The following CCDC171 variants were observed in gnomAD, a reference collection of about 807,000 sequenced individuals.
CCDC171 encodes the protein coiled-coil domain containing 171.
Under a neutral mutation model 168.2 loss-of-function variants are expected in CCDC171, and 177 were observed. The observed-to-expected ratio is 1.05, with a 90% CI of 0.93 to 1.19. The LOEUF (loss-of-function observed/expected upper bound fraction) is 1.19. Ranked by LOEUF, CCDC171 falls within the 50% of genes most tolerant of loss-of-function variation. The probability of loss-of-function intolerance (pLI) is 0.00; values close to 1 mark genes in which losing one functional copy is unlikely to be tolerated. For synonymous variants in CCDC171, 687 were observed against 540.8 expected, an observed-to-expected ratio of 1.27 and a Z score of -3.75; for missense variants, 1,991 against 1,539.0, an observed-to-expected ratio of 1.29 and a Z score of -4.91.
At chr9:15,825,969 C>T (rs1201675571) in intron 21 of CCDC171, among the ~76,000 whole-genome samples, 1 of 149,088 alleles carries the variant, frequency 6.7e-6, no homozygotes, top group African/African-American at 2.6e-5. Context: ...TTTTGTTTTT[C>T]TCTTTTCTCT....
intron 21 of CCDC171, among the ~76,000 whole-genome samples, chr9:15,815,199 G>A (rs1283299425): frequency 6.6e-6 from 1 of 152,154 alleles, no homozygotes; most frequent in Non-Finnish European, 1.5e-5. Context: ...CCTCACAGGG[G>A]TCTCAAGACT....
chr9:15,592,742 G>A (rs1406793412), intron 5 of CCDC171, among the ~76,000 whole-genome samples: 3 of 152,036 alleles, frequency 2.0e-5, no homozygotes, highest in African/African-American at 7.2e-5. Context: ...GGAGAGGAGG[G>A]TGATGGTGGC....
intron 14 of CCDC171, among the ~76,000 whole-genome samples, chr9:15,726,221 C>G (rs948683668): frequency 6.6e-6 from 1 of 152,120 alleles, no homozygotes; most frequent in African/African-American, 2.4e-5. Flanking sequence ...AAACTAGAAG[C>G]CTGACTATAT....
chr9:15,954,188 CTCTAA>C (rs1829528745), intron 25 of CCDC171, among the ~76,000 whole-genome samples: 1 of 145,304 alleles, frequency 6.9e-6, no homozygotes, highest in Admixed American at 6.9e-5. Context: ...TTTATCTCTT[CTCTAA>C]TCTTTTTTCC....
At position 15,971,786 on chromosome 9, in the gene CCDC171, C is replaced by T. The variant is rs1216340941; in HGVS notation, c.3931C>T (p.Pro1311Ser). ...TGCTCTGACATCATCTCACTCCTCT[C>T]CAGTGACTATGTCTGCTAATGCCAA... Reference protein sequence around the residue: ...PHALTSSHSSPVTMSANANRP... With the variant: ...PHALTSSHSSSVTMSANANRP... The change falls in exon 26 of 26, where the codon CCA becomes TCA. Residue 1311 changes from proline to serine, a missense_variant. By Grantham distance (74) the Pro-to-Ser change is moderately conservative. Coordinates refer to ENST00000380701, the MANE Select transcript of CCDC171 (RefSeq NM_173550.4). 4 of 1,613,940 alleles carry T rather than the reference C, an allele frequency of 2.5e-6. No individual in the cohort carries two copies. Among genetic ancestry groups the T allele is most frequent in the Non-Finnish European group, 3.4e-6 (4 of 1,179,880 alleles).
intron 11 of CCDC171, among the ~76,000 whole-genome samples, chr9:15,705,091 G>GACACACACACACACACACACAC (rs3082789): frequency 1.2e-4 from 18 of 147,758 alleles, no homozygotes; most frequent in East Asian, 8.0e-4. Flanking sequence ...GTATCCTTAC[G>GACACACACACACACACACACAC]ACACACACAC....
intron 5 of CCDC171, 53 bp from the exon 6 acceptor site, chr9:15,593,988 G>A (rs2042165252): frequency 1.2e-5 from 15 of 1,257,674 alleles, no homozygotes; most frequent in Non-Finnish European, 1.1e-6. Flanking sequence ...TGGGGATGAA[G>A]GAAGATAACT....
the CCDC171 span, among the ~76,000 whole-genome samples, chr9:16,100,514 G>A: frequency 8.5e-5 from 13 of 152,146 alleles, no homozygotes; most frequent in Non-Finnish European, 1.5e-4. Flanking sequence ...CAAATGTTGC[G>A]GCATCTGAAC....
chr9:15,610,480 A>C (rs868535304), intron 6 of CCDC171, among the ~76,000 whole-genome samples: 4 of 142,584 alleles, frequency 2.8e-5, no homozygotes, highest in Non-Finnish European at 6.1e-5. Context: ...AAAAAAAAAA[A>C]ACTGGGCGTG....
chr9:16,055,491 T>A (rs1401494952), intron 1 of CCDC171, among the ~76,000 whole-genome samples: 1 of 152,170 alleles, frequency 6.6e-6, no homozygotes, highest in Non-Finnish European at 1.5e-5. Context: ...AAGCTTTCTG[T>A]GAGAGTGTGC....
At chr9:15,977,797 A>G (rs1230445725), downstream of CCDC171, among the ~76,000 whole-genome samples, 4 of 152,210 alleles carry the variant, frequency 2.6e-5, no homozygotes, top group Non-Finnish European at 5.9e-5. Context: ...ATTCATAAAC[A>G]TTCACGATGA....
At chr9:15,649,012 A>G (rs1033360476) in intron 7 of CCDC171, among the ~76,000 whole-genome samples, 1 of 152,238 alleles carries the variant, frequency 6.6e-6, no homozygotes, top group Admixed American at 6.5e-5. Context: ...ACAAGGCTAC[A>G]GTAACCAAAA....
At chr9:15,737,733 G>A (rs10810438) in intron 16 of CCDC171, among the ~76,000 whole-genome samples, 70,046 of 151,980 alleles carry the variant, frequency 0.46, 16,433 homozygotes, top group Non-Finnish European at 0.5. Context: ...TTAAATTTAC[G>A]TAATGAAGAT....
intron 3 of CCDC171, among the ~76,000 whole-genome samples, chr9:15,998,157 C>T (rs923843331): frequency 2.0e-5 from 3 of 152,192 alleles, no homozygotes; most frequent in African/African-American, 7.2e-5. Context: ...AATGGAGCCA[C>T]CCCTGCTTCA....
At chr9:15,781,030 A>G (rs2057638939) in intron 20 of CCDC171, among the ~76,000 whole-genome samples, 2 of 152,220 alleles carry the variant, frequency 1.3e-5, no homozygotes, top group Non-Finnish European at 2.9e-5. Flanking sequence ...ACAGACAGTC[A>G]TTTATGCAAT....
At chr9:15,785,452 A>G (rs1314532396) in intron 21 of CCDC171, among the ~76,000 whole-genome samples, 2 of 152,148 alleles carry the variant, frequency 1.3e-5, no homozygotes, top group Admixed American at 6.6e-5. Context: ...TTATTCTGAT[A>G]TCTTAATAAT....
intron 3 of CCDC171, among the ~76,000 whole-genome samples, chr9:16,012,819 T>C (rs143393156): frequency 6.6e-6 from 1 of 152,304 alleles, no homozygotes; most frequent in East Asian, 1.9e-4. Flanking sequence ...TCATGGATGA[T>C]AGGTAGCATT....
At chr9:16,034,151 C>A (rs947010649) in intron 6 of CCDC171, among the ~76,000 whole-genome samples, 1 of 152,204 alleles carries the variant, frequency 6.6e-6, no homozygotes, top group African/African-American at 2.4e-5. Context: ...AAGGAAGCAA[C>A]AACGTGCACT....
intron 6 of CCDC171, among the ~76,000 whole-genome samples, chr9:15,615,086 T>C (rs1237342992): frequency 1.3e-5 from 2 of 152,162 alleles, no homozygotes; most frequent in Admixed American, 6.5e-5. Flanking sequence ...TAATTATAGC[T>C]AATCTCAGTT....
Sources: allele counts gnomAD v4.1 joint callset (sites outside exome capture counted in the v4.1 genomes callset), GRCh38; gene constraint gnomAD v4.1.1; transcripts MANE v1.5; gene names NCBI Gene and HGNC (gene_info 2026-07-23, HGNC 2026-07-21).